Variants in MBTPS1 observed in about 807,000 individuals in gnomAD.
MBTPS1 encodes the protein membrane-bound transcription factor site-1 protease.
Under a neutral mutation model 127.8 loss-of-function variants are expected in MBTPS1, and 94 were observed. The ratio of observed to expected loss-of-function variants is 0.74; its 90% CI spans 0.62 to 0.87. The LOEUF is 0.87. Ranked by LOEUF, MBTPS1 falls within the 40% of genes least tolerant of loss-of-function variation. The pLI is 0.00. For synonymous variants in MBTPS1, 632 were observed against 509.4 expected (o/e 1.24, Z -3.24); for missense variants, 1,636 against 1,353.2 (o/e 1.21, Z -3.28).
In MBTPS1 at chr16:84,085,127, G is replaced by C; in HGVS notation, c.1142C>G (p.Pro381Arg). ...AGGTTTCATGCGACCGTAGCCTCCT[G>C]GTAGCTCCTATGAATAAAAGCAGCT... ...SSRGMTTWEL[P>R]GGYGRMKPDI... The change falls in exon 10 of 23, where the codon CCA (proline) becomes CGA (arginine). Residue 381 changes from proline to arginine, a missense_variant. By Grantham distance (103) the Pro-to-Arg change is moderately radical. Transcript: ENST00000343411. The C allele has an allele frequency of 6.2e-7, 1 of 1,614,110 alleles. No homozygotes were observed. Among genetic ancestry groups the C allele is most frequent in the Non-Finnish European group, 8.5e-7 (1 of 1,179,990 alleles).
rs772609032 is a variant in MBTPS1 at position 84,099,231 on chromosome 16, T to G, written c.243A>C (p.Glu81Asp). Residue 81 changes from glutamate to aspartate, a missense_variant, in exon 3 of 23, where the codon GAA (glutamate) becomes GAC (aspartate). Coordinates refer to ENST00000343411, the MANE Select transcript of MBTPS1 (RefSeq NM_003791.4). ...SFISSALKSS[E>D]VDNWRIIPRN... ...GAGGTATAATTCTCCAATTGTCTACTTCACTGCTCTTCAGGGCACTTGAAA... is the reference window on the plus strand; with the variant it reads ...GAGGTATAATTCTCCAATTGTCTACGTCACTGCTCTTCAGGGCACTTGAAA... 5 of 1,614,038 alleles carry G rather than the reference T, an allele frequency of 3.1e-6. No individual in the cohort carries two copies. Among genetic ancestry groups the G allele is most frequent in the Admixed American group, 1.7e-5 (1 of 60,008 alleles).
chr16:84,109,776 C>T (rs1011201408), intron 1 of MBTPS1, among the ~76,000 whole-genome samples: 2 of 152,166 alleles, frequency 1.3e-5, no homozygotes, highest in African/African-American at 2.4e-5. Flanking sequence ...CTGTAACAGG[C>T]ACTCAGGGAC....
chr16:84,079,844 C>T (rs1290515590), intron 11 of MBTPS1, among the ~76,000 whole-genome samples: 4 of 152,218 alleles, frequency 2.6e-5, no homozygotes, highest in African/African-American at 9.7e-5. Context: ...CAGAAGCAGT[C>T]GTATGTGTCT....
In MBTPS1 at chr16:84,054,473, G is replaced by C; in HGVS notation, c.3135C>G (p.His1045Gln). The C allele has an allele frequency of 6.2e-7, 1 of 1,609,496 alleles. No homozygotes were observed. Among genetic ancestry groups the C allele is most frequent in the Non-Finnish European group, 8.5e-7 (1 of 1,177,562 alleles). ...GTCACACCGAAGGGGTCTTTGGCGG[G>C]TGAACCTGCTGCATGAGCTGCGGGC... ...VKRPQLMQQVHPPKTPSV is the reference protein window; with the variant it reads ...VKRPQLMQQVQPPKTPSV Residue 1045 changes from histidine (H) to glutamine (Q), a missense_variant, in exon 23 of 23, where the codon CAC becomes CAG. Coordinates refer to ENST00000343411, the MANE Select transcript of MBTPS1 (RefSeq NM_003791.4).
chr16:84,081,516 A>C (rs1474433739), intron 11 of MBTPS1: 1 of 343,096 alleles, frequency 2.9e-6, no homozygotes, highest in Admixed American at 4.8e-5. Flanking sequence ...AACCACTCAG[A>C]AATCATTACT....
In MBTPS1 at chr16:84,069,309, G is replaced by C. The variant is rs535867494; in HGVS notation, c.1955+557C>G. 1.1e-4 allele frequency among the ~76,000 whole-genome samples: 16 copies of C among 152,352 alleles called. No individual in the cohort carries two copies. In the East Asian group the frequency reaches 3.1e-3, roughly 29 times the overall value. On this transcript the variant is annotated intron_variant, in intron 14 of 22. Coordinates refer to ENST00000343411, the MANE Select transcript of MBTPS1 (RefSeq NM_003791.4). The stretch of plus-strand genomic sequence containing the variant: ...GGGAGAGCGGCTATGGGGACTGCGG[G>C]GGAAGCAGTGCCAGCTTCTGAAGGG...
At position 84,085,099 on chromosome 16, in the gene MBTPS1, G is replaced by C. The variant is rs1468093894; in HGVS notation, c.1170C>G (p.Asp390Glu). Reference sequence around the variant, plus strand: ...GCACGCCAGCACCATAGGTGACAATGTCAGGTTTCATGCGACCGTAGCCTC... The same window carrying C: ...GCACGCCAGCACCATAGGTGACAATCTCAGGTTTCATGCGACCGTAGCCTC... Reference protein sequence around the residue: ...LPGGYGRMKPDIVTYGAGVRG... With the variant: ...LPGGYGRMKPEIVTYGAGVRG... Residue 390 changes from aspartate (D) to glutamate (E), a missense_variant, in exon 10 of 23, where the codon GAC (aspartate) becomes GAG (glutamate). Physicochemically the swap from Asp to Glu is conservative, Grantham distance 45. Transcript: ENST00000343411. 6.2e-7 allele frequency: 1 copy of C among 1,614,204 alleles called. No individual in the cohort carries two copies. The highest frequency in any genetic ancestry group is 8.5e-7 in the Non-Finnish European group (1 of 1,180,038).
rs201064259 is a variant in MBTPS1 at position 84,059,438 on chromosome 16, G to A, written c.2705-10C>T. 1.9e-6 allele frequency: 3 copies of A among 1,603,282 alleles called. No individual in the cohort carries two copies. Among genetic ancestry groups the A allele is most frequent in the East Asian group, 2.2e-5 (1 of 44,678 alleles). The stretch of plus-strand genomic sequence containing the variant: ...CGATGAAGATGGTTTCCTGTGGTTA[G>A]CAGCAACATCAACAAAAAGGAAAAT... On this transcript the variant is annotated splice_polypyrimidine_tract_variant and intron_variant, in intron 20 of 22. Coordinates refer to ENST00000343411, the MANE Select transcript of MBTPS1 (RefSeq NM_003791.4).
chr16:84,065,939 C>T (rs2085676705), intron 17 of MBTPS1, among the ~76,000 whole-genome samples, 172 bp from the exon 18 acceptor site: 1 of 152,048 alleles, frequency 6.6e-6, no homozygotes, highest in Non-Finnish European at 1.5e-5. Flanking sequence ...TACAAGTAAT[C>T]TCCTCAAAAT....
At chr16:84,105,978 G>A (rs2086318446) in intron 1 of MBTPS1, among the ~76,000 whole-genome samples, 1 of 152,122 alleles carries the variant, frequency 6.6e-6, no homozygotes, top group African/African-American at 2.4e-5. Flanking sequence ...GTATTTAGCT[G>A]GTGATAAAAA....
intron 6 of MBTPS1, among the ~76,000 whole-genome samples, chr16:84,092,231 T>C (rs1473908285): frequency 6.6e-6 from 1 of 152,232 alleles, no homozygotes; most frequent in Non-Finnish European, 1.5e-5. Flanking sequence ...GTTCAACTTA[T>C]CTATCTAACC....
At chr16:84,085,414 A>G (rs985038232) in intron 9 of MBTPS1, among the ~76,000 whole-genome samples, 1 of 152,004 alleles carries the variant, frequency 6.6e-6, no homozygotes, top group Non-Finnish European at 1.5e-5. Context: ...CAAAAAATAC[A>G]AAAATTAGCC....
intron 12 of MBTPS1, chr16:84,071,667 C>T (rs1255728990): frequency 6.6e-6 from 1 of 152,082 alleles, no homozygotes; most frequent in Non-Finnish European, 1.5e-5. Context: ...TTTATTATCT[C>T]TCTGGAATGA....
intron 1 of MBTPS1, among the ~76,000 whole-genome samples, chr16:84,102,346 G>C (rs1261905982): frequency 6.6e-6 from 1 of 152,044 alleles, no homozygotes; most frequent in Admixed American, 6.6e-5. Flanking sequence ...ATAAATAAGA[G>C]GGTAAAAGAG....
intron 1 of MBTPS1, among the ~76,000 whole-genome samples, chr16:84,110,549 G>C (rs897317889): frequency 6.6e-6 from 1 of 151,990 alleles, no homozygotes; most frequent in Non-Finnish European, 1.5e-5. Flanking sequence ...AAAACTTTTC[G>C]TCTAACAAAT....
At chr16:84,055,736 T>G (rs2085512398) in intron 22 of MBTPS1, among the ~76,000 whole-genome samples, 1 of 152,252 alleles carries the variant, frequency 6.6e-6, no homozygotes, top group Non-Finnish European at 1.5e-5. Context: ...TTGAACATGT[T>G]TAAGTAGATC....
At chr16:84,091,656 C>G in intron 7 of MBTPS1, 76 bp downstream of exon 7, 4 of 960,908 alleles carry the variant, frequency 4.2e-6, no homozygotes, top group Non-Finnish European at 6.8e-6. Flanking sequence ...CACCAACACA[C>G]TAGATATGAT....
At chr16:84,090,036 C>T (rs546666782) in intron 8 of MBTPS1, among the ~76,000 whole-genome samples, 3 of 152,310 alleles carry the variant, frequency 2.0e-5, no homozygotes, top group East Asian at 3.9e-4. Context: ...ACAAGGTTCA[C>T]GATCATTTAC....
At chr16:84,089,203 G>C (rs1226902822) in intron 8 of MBTPS1, among the ~76,000 whole-genome samples, 3 of 152,278 alleles carry the variant, frequency 2.0e-5, no homozygotes, top group African/African-American at 7.2e-5. Context: ...GGAAGTGGAA[G>C]ATCAAGGTGA....
Sources: allele counts gnomAD v4.1 joint callset (sites outside exome capture counted in the v4.1 genomes callset), GRCh38; gene constraint gnomAD v4.1.1; transcripts MANE v1.5; gene names NCBI Gene and HGNC (gene_info 2026-07-23, HGNC 2026-07-21).